The following AGRN variants were observed in gnomAD, a reference collection of about 807,000 sequenced individuals.
The protein encoded by AGRN is agrin proteoglycan.
In AGRN, 106 loss-of-function variants were observed where a neutral mutation model predicts 211.0. The observed-to-expected ratio is 0.50, with a 90% CI of 0.43 to 0.59. The LOEUF is 0.59. Ranked by LOEUF, AGRN falls within the 20% of genes least tolerant of loss-of-function variation. The pLI, the probability that AGRN is intolerant of heterozygous loss-of-function variation, is 0.00. For synonymous variants in AGRN, 1,525 were observed against 1,332.5 expected (o/e 1.14, Z -3.15); for missense variants, 3,040 against 2,982.6 (o/e 1.02, Z -0.45).
intron 19 of AGRN, 118 bp downstream of exon 19, chr1:1,047,075 T>C: frequency 1.3e-5 from 19 of 1,484,860 alleles, no homozygotes; most frequent in Non-Finnish European, 1.6e-5. Context: ...CTCGGCCCCC[T>C]CAAACATGTG....
At chr1:1,040,540 T>G in intron 3 of AGRN, 125 bp from the exon 4 acceptor site, 2 of 1,166,676 alleles carry the variant, frequency 1.7e-6, no homozygotes, top group Admixed American at 4.1e-5. Context: ...GTGTCCGTGG[T>G]GGACCCCCGA....
intron 3 of AGRN, among the ~76,000 whole-genome samples, chr1:1,039,204 T>G (rs1644869903): frequency 1.3e-5 from 2 of 148,860 alleles, no homozygotes; most frequent in East Asian, 2.0e-4. Context: ...AGAAGAGGGG[T>G]GGGGGCACAG....
rs1289621553 is a variant in AGRN at position 1,045,865 on chromosome 1, G to A, written c.2669G>A (p.Gly890Asp). 3 of 1,610,886 alleles carry A rather than the reference G, an allele frequency of 1.9e-6. No individual in the cohort carries two copies. Among genetic ancestry groups the A allele is most frequent in the Non-Finnish European group, 2.5e-6 (3 of 1,179,848 alleles). The change falls in exon 15 of 36, where the codon GGC (glycine) becomes GAC (aspartate). Residue 890 changes from glycine (G) to aspartate (D), a missense_variant. Physicochemically the swap from Gly to Asp is moderately conservative, Grantham distance 94. This residue lies in a region of AGRN where 1,498 missense variants were observed against 1,457.8 expected (regional missense o/e 1.03). Transcript: ENST00000379370. ...GACGGCCGTGCCCTGGGCCCCGCGG[G>A]CTGTGAAGCTGGTGAGTGAGGGCCA... ...CPDGRALGPA[G>D]CEADASAPAT...
intron 2 of AGRN, chr1:1,034,563 C>T: frequency 1.0e-6 from 1 of 986,624 alleles, no homozygotes; most frequent in East Asian, 1.1e-4. Context: ...GCCATGCCTC[C>T]GCTGCCGCTG....
Position 1,054,914 on chromosome 1 carries a change from G to A in AGRN, c.6071G>A (p.Arg2024Gln), listed in dbSNP as rs941729916. The A allele has an allele frequency of 2.6e-5, 41 of 1,548,540 alleles. No homozygotes were observed. The highest frequency in any genetic ancestry group is 3.9e-5 in the Admixed American group (2 of 51,120). The part of the protein sequence containing the change: ...VGCLRDVVVG[R>Q]HPLHLLEDAV... ...TGCTTGCGGGACGTGGTGGTGGGCC[G>A]GCACCCGCTGCACCTGCTGGAGGAC... Residue 2024 changes from arginine (R) to glutamine (Q), a missense_variant, in exon 36 of 36, where the codon CGG becomes CAG. By Grantham distance (43) the Arg-to-Gln change is conservative. This residue lies in a region of AGRN where 1,537 missense variants were observed against 1,505.0 expected (regional missense o/e 1.02). Transcript: ENST00000379370.
Position 1,047,486 on chromosome 1 carries a change from C to A in AGRN, c.3516+32C>A, listed in dbSNP as rs756313658. 9 of 1,612,702 alleles carry A rather than the reference C, an allele frequency of 5.6e-6. No individual in the cohort carries two copies. In the East Asian group the frequency reaches 2.0e-4, roughly 36 times the overall value. On this transcript the variant is annotated intron_variant, in intron 20 of 35. Coordinates refer to ENST00000379370, the MANE Select transcript of AGRN (RefSeq NM_198576.4). ...CGGGGGCGCAGCCCCCACCTACCCA[C>A]TGGCCTTCCTCCCCAGATACCCAGA...
chr1:1,049,656 G>T lies in AGRN; in HGVS notation c.4605G>T (p.Gly1535=), dbSNP rs373097825. 2.6e-4 allele frequency: 405 copies of T among 1,580,590 alleles called. No homozygotes were observed. Among genetic ancestry groups the T allele is most frequent in the Middle Eastern group, 9.9e-4 (6 of 6,046 alleles). The change falls in exon 26 of 36, where the codon GGG becomes GGT. Residue 1535 remains glycine, a synonymous_variant. Transcript: ENST00000379370. The part of the protein sequence containing the change: ...VNNQRLELGI[G]PGAATRGSGV... ...ACCAGCGCCTGGAGCTTGGCATTGG[G>T]CCGGGGGCTGCCACCCGAGGCTCTG... is the stretch of plus-strand genomic sequence containing the variant.
At chr1:1,040,415 G>C (rs1395216659) in intron 3 of AGRN, among the ~76,000 whole-genome samples, 1 of 152,234 alleles carries the variant, frequency 6.6e-6, no homozygotes. Context: ...GCGCCTGCAG[G>C]TGCGGGGTGG....
intron 1 of AGRN, 151 bp downstream of exon 1, chr1:1,020,524 G>A (rs1331769809): frequency 2.8e-6 from 2 of 720,644 alleles, no homozygotes; most frequent in Non-Finnish European, 2.0e-6. Flanking sequence ...GGGGTCGCCG[G>A]GTCCCGGGAA....
rs1645205369 is a variant in AGRN at position 1,049,382 on chromosome 1, G to A, written c.4445G>A (p.Ser1482Asn). Residue 1482 changes from serine (S) to asparagine (N), a missense_variant, in exon 25 of 36, where the codon AGT (serine) becomes AAT (asparagine). Around this residue, in one of 3 missense-constraint regions of AGRN, gnomAD observed 1,537 missense variants for 1,505.0 expected, o/e 1.02. Transcript: ENST00000379370. ...ACCCCTGTTCTGGGCGAGAGTCCCAGTGGCACCGACGGCCTCAACCTGGAC... is the reference window on the plus strand; with the variant it reads ...ACCCCTGTTCTGGGCGAGAGTCCCAATGGCACCGACGGCCTCAACCTGGAC... ...GETPVLGESPSGTDGLNLDTD... is the reference protein window; with the variant it reads ...GETPVLGESPNGTDGLNLDTD... The A allele has an allele frequency of 6.3e-7, 1 of 1,598,750 alleles. No individual in the cohort carries two copies. The highest frequency in any genetic ancestry group is 8.5e-7 in the Non-Finnish European group (1 of 1,179,744).
In AGRN at chr1:1,029,784, C is replaced by CGT. The variant is rs771985400; in HGVS notation, c.464-5484_464-5483dup. On this transcript the variant is annotated intron_variant, in intron 2 of 35. Coordinates refer to ENST00000379370, the MANE Select transcript of AGRN (RefSeq NM_198576.4). Reference sequence around the variant, plus strand: ...GTGCATGGTGCTGTGAGTGTGAGATCGTGTGTGTGTATGCAGTGCATGGTG... The same window carrying CGT: ...GTGCATGGTGCTGTGAGTGTGAGATCGTGTGTGTGTGTATGCAGTGCATGGTG... Among the ~76,000 whole-genome samples the CGT allele has an allele frequency of 8.8e-5, 6 of 68,320 alleles. 1 individual carries two copies. The highest frequency in any genetic ancestry group is 2.7e-4 in the African/African-American group (5 of 18,586). The allele number at this position is 68,320 out of a possible 152,430, so 44.8% of individuals were successfully genotyped here.
intron 7 of AGRN, 60 bp from the exon 8 acceptor site, chr1:1,043,179 G>A: frequency 6.5e-7 from 1 of 1,538,112 alleles, no homozygotes; most frequent in Admixed American, 2.0e-5. Context: ...TGGGGCTGGG[G>A]GCTTTGCCTG....
rs2100598689 is a variant in AGRN at position 1,032,731 on chromosome 1, GC to G, written c.464-2545del. 1.3e-5 allele frequency among the ~76,000 whole-genome samples: 2 copies of G among 152,344 alleles called. No individual in the cohort carries two copies. The highest frequency in any genetic ancestry group is 4.1e-4 in the South Asian group (2 of 4,830). On this transcript the variant is annotated intron_variant, in intron 2 of 35. Coordinates refer to ENST00000379370, the MANE Select transcript of AGRN (RefSeq NM_198576.4). This position sits in a 1 kb window ranked among gnomAD's most constrained non-coding sequence, Gnocchi z 4.7. ...GGGTCCTTGCTTTCCTGGAGCTGGG[GC>G]TTGGGGAATGGGGTCGGTCATTGCA...
intron 35 of AGRN, 97 bp downstream of exon 35, chr1:1,054,648 G>A (rs1645403200): frequency 1.3e-6 from 2 of 1,496,162 alleles, no homozygotes; most frequent in South Asian, 1.2e-5. Flanking sequence ...GAGTCAGGGT[G>A]CATGTGAGCC....
chr1:1,051,325 C>T lies in AGRN; in HGVS notation c.5326C>T (p.Arg1776Cys), dbSNP rs146978562. Residue 1776 changes from arginine (R) to cysteine (C), a missense_variant, in exon 31 of 36, where the codon CGT becomes TGT. This residue lies in a region of AGRN where 1,537 missense variants were observed against 1,505.0 expected (regional missense o/e 1.02). Transcript: ENST00000379370. ...GGAPDFSKLA[R>C]AAAVSSGFDG... ...CGCTCCCGACTTCAGCAAGCTGGCC[C>T]GTGCTGCTGCCGTGTCCTCTGGCTT... is the stretch of plus-strand genomic sequence containing the variant. 5.2e-5 allele frequency: 81 copies of T among 1,565,064 alleles called. No individual in the cohort carries two copies. The highest frequency in any genetic ancestry group is 1.4e-4 in the African/African-American group (10 of 74,058).
rs774744948 is a variant in AGRN, at chr1:1,046,491, C to T, written c.3006C>T (p.Gly1002=). 54 of 1,609,228 alleles carry T rather than the reference C, an allele frequency of 3.4e-5. No individual in the cohort carries two copies. The highest frequency in any genetic ancestry group is 6.7e-5 in the Admixed American group (4 of 59,836). The change falls in exon 18 of 36, where the codon GGC becomes GGT. Residue 1002 remains glycine, a synonymous_variant. Transcript: ENST00000379370. ...GCCAGGCACTGCCGGCCCCCCCCGG[C>T]GCCCTCCCCCTGGCTCCCAGCAGTA... ...LLSQALPAPP[G]ALPLAPSSTA... is the part of the protein sequence containing the mutation.
chr1:1,043,546 G>T lies in AGRN; in HGVS notation c.1612G>T (p.Gly538Trp), dbSNP rs558214372. ...VARKGPCDRC[G>W]QCRFGALCEA... is the part of the protein sequence containing the mutation. ...TGGAAGCTCCTCCCCAGACCGCTGC[G>T]GGCAGTGCCGCTTTGGAGCCCTGTG... The change falls in exon 9 of 36, where the codon GGG (glycine) becomes TGG (tryptophan). Residue 538 changes from glycine (G) to tryptophan (W), a missense_variant. By Grantham distance (184) the Gly-to-Trp change is radical. Around this residue, in one of 3 missense-constraint regions of AGRN, gnomAD observed 1,498 missense variants for 1,457.8 expected, o/e 1.03. Transcript: ENST00000379370. 1 of 1,604,388 alleles carries T rather than the reference G, an allele frequency of 6.2e-7. No individual in the cohort carries two copies. Among genetic ancestry groups the T allele is most frequent in the East Asian group, 2.2e-5 (1 of 44,866 alleles).
chr1:1,043,234 C>A lies in AGRN; in HGVS notation c.1385-5C>A. ...GGGACCACTGAGCCCCTGTGTCCTT[C>A]CCAGACCAGGCCCCGTCCCCATGCC... On this transcript the variant is annotated splice_polypyrimidine_tract_variant and splice_region_variant and intron_variant, in intron 7 of 35. Transcript: ENST00000379370. The A allele has an allele frequency of 6.3e-7, 1 of 1,598,180 alleles. No individual in the cohort carries two copies.
rs977862979 is a variant in AGRN at position 1,044,167 on chromosome 1, G to T, written c.2058G>T (p.Leu686=). 2 of 1,613,156 alleles carry T rather than the reference G, an allele frequency of 1.2e-6. No homozygotes were observed. The highest frequency in any genetic ancestry group is 1.7e-6 in the Non-Finnish European group (2 of 1,179,930). The part of the protein sequence containing the change: ...SGEDGDCEQE[L]CRQRGGIWDE... ...AGGACGGTGACTGTGAGCAGGAGCT[G>T]TGCCGGCAGCGCGGTGGCATCTGGG... Residue 686 remains leucine, a synonymous_variant, in exon 11 of 36, where the codon CTG becomes CTT. Coordinates refer to ENST00000379370, the MANE Select transcript of AGRN (RefSeq NM_198576.4).
Sources: allele counts gnomAD v4.1 joint callset (sites outside exome capture counted in the v4.1 genomes callset), GRCh38; gene constraint gnomAD v4.1.1; regional missense constraint gnomAD v4.1.1; non-coding constraint Gnocchi (gnomAD v3.1); transcripts MANE v1.5; gene names NCBI Gene and HGNC (gene_info 2026-07-23, HGNC 2026-07-21).